The following RASGEF1C variants were observed in gnomAD, a reference collection of about 807,000 sequenced individuals.
RASGEF1C encodes RasGEF domain family member 1C, also known as ras-GEF domain-containing family member 1C.
Under a neutral mutation model 58.1 loss-of-function variants are expected in RASGEF1C, and 27 were observed. The ratio of observed to expected loss-of-function variants is 0.46; its 90% CI spans 0.34 to 0.64. RASGEF1C has a LOEUF of 0.64. Ranked by LOEUF, RASGEF1C falls within the 30% of genes least tolerant of loss-of-function variation. The probability of loss-of-function intolerance (pLI) is 0.01; values close to 1 mark genes in which losing one functional copy is unlikely to be tolerated. For missense variants in RASGEF1C, 502 were observed against 605.1 expected (o/e 0.83, Z 1.79); for synonymous variants, 243 against 246.3 (o/e 0.99, Z 0.13).
chr5:180,102,472 A>G (rs540508103), intron 12 of RASGEF1C, among the ~76,000 whole-genome samples: 75 of 152,294 alleles, frequency 4.9e-4, no homozygotes, highest in African/African-American at 1.6e-3. Flanking sequence ...ATCTAGCCCT[A>G]TATTCTGAGG....
At chr5:180,128,361 G>T in intron 5 of RASGEF1C, 49 bp downstream of exon 5, 2 of 1,519,652 alleles carry the variant, frequency 1.3e-6, no homozygotes, top group Non-Finnish European at 1.8e-6. Flanking sequence ...GTGTATCTGT[G>T]TGTGTCCTGC....
chr5:180,129,460 A>C (rs1766324671), intron 4 of RASGEF1C, among the ~76,000 whole-genome samples: 1 of 152,118 alleles, frequency 6.6e-6, no homozygotes, highest in South Asian at 2.1e-4. Context: ...ACCAGAGCAC[A>C]GGGCTCCAGC....
rs1385414361 is a variant in RASGEF1C, at chr5:180,158,100, G to A, written c.-6-20042C>T. Among the ~76,000 whole-genome samples, 1 of 152,176 alleles carries A rather than the reference G, an allele frequency of 6.6e-6. No homozygotes were observed. The highest frequency in any genetic ancestry group is 6.5e-5 in the Admixed American group (1 of 15,274). ...TCTCTACTTTCTGCTCAGTTTCGCTGCGAACCTAAAACTGCTCTAAAAAAT... is the reference window on the plus strand; with the variant it reads ...TCTCTACTTTCTGCTCAGTTTCGCTACGAACCTAAAACTGCTCTAAAAAAT... On this transcript the variant is annotated intron_variant, in intron 1 of 13. Transcript: ENST00000361132. This position sits in a 1 kb window ranked among gnomAD's most constrained non-coding sequence, Gnocchi z 4.0.
At chr5:180,107,522 T>C (rs560692587) in intron 12 of RASGEF1C, among the ~76,000 whole-genome samples, 5 of 152,216 alleles carry the variant, frequency 3.3e-5, no homozygotes, top group African/African-American at 9.6e-5. Flanking sequence ...GATGAGAAAT[T>C]TGACATGATT....
At chr5:180,103,182 A>G (rs1765820641) in intron 12 of RASGEF1C, among the ~76,000 whole-genome samples, 1 of 152,112 alleles carries the variant, frequency 6.6e-6, no homozygotes, top group Non-Finnish European at 1.5e-5. Context: ...GGTTCACACC[A>G]TTCTCCTGCC....
intron 11 of RASGEF1C, among the ~76,000 whole-genome samples, chr5:180,113,135 GAGGATGGATGGA>G (rs1765991991): frequency 4.0e-5 from 5 of 124,184 alleles, no homozygotes; most frequent in Admixed American, 1.6e-4. Context: ...CGGAGGGATC[GAGGATGGATGGA>G]GGGATCTGGG....
rs1766501284 is a variant in RASGEF1C at position 180,137,441 on chromosome 5, C to T, written c.300+149G>A. On this transcript the variant is annotated intron_variant, in intron 3 of 13. Transcript: ENST00000361132. This position sits in a 1 kb window ranked among gnomAD's most constrained non-coding sequence, Gnocchi z 4.1. The stretch of plus-strand genomic sequence containing the variant: ...AGGTCCTGTTCTGCTCCTTCTGGCT[C>T]TGGGCCTCAGACAAGGTGGAAACAC... 9.2e-7 allele frequency: 1 copy of T among 1,084,590 alleles called. No individual in the cohort carries two copies. Among genetic ancestry groups the T allele is most frequent in the East Asian group, 2.6e-5 (1 of 38,714 alleles). The allele number at this position is 1,084,590 out of a possible 1,614,324, so 67.2% of individuals were successfully genotyped here.
chr5:180,183,792 A>T (rs1288265277), intron 1 of RASGEF1C, among the ~76,000 whole-genome samples: 1 of 152,130 alleles, frequency 6.6e-6, no homozygotes, highest in East Asian at 1.9e-4. Flanking sequence ...ACTGCACTCC[A>T]GCCTGGGAAA....
intron 11 of RASGEF1C, among the ~76,000 whole-genome samples, chr5:180,113,780 TTGGGGATGGATGGAGGGAC>T (rs1766015539): frequency 7.6e-6 from 1 of 131,552 alleles, no homozygotes; most frequent in Non-Finnish European, 1.7e-5. Flanking sequence ...GACGGAGGGA[TTGGGGATGGATGGAGGGAC>T]CGAGGATGGA....
In RASGEF1C at chr5:180,143,116, G is replaced by T. The variant is rs1385762226; in HGVS notation, c.-6-5058C>A. On this transcript the variant is annotated intron_variant, in intron 1 of 13. Transcript: ENST00000361132. This position sits in a 1 kb window ranked among gnomAD's most constrained non-coding sequence, Gnocchi z 4.3. ...GGCTCCTGCAGCAGTTCAAGAGACA[G>T]CAGGCGAGGATTGTGTGGGGTCAGG... 6.6e-6 allele frequency among the ~76,000 whole-genome samples: 1 copy of T among 152,162 alleles called. No homozygotes were observed. Among genetic ancestry groups the T allele is most frequent in the African/African-American group, 2.4e-5 (1 of 41,446 alleles).
chr5:180,193,983 A>T (rs559465467), intron 1 of RASGEF1C, among the ~76,000 whole-genome samples: 2 of 134,154 alleles, frequency 1.5e-5, no homozygotes, highest in Non-Finnish European at 3.2e-5. Context: ...GGTGATTCAC[A>T]CTCTTCCTAT....
intron 11 of RASGEF1C, among the ~76,000 whole-genome samples, chr5:180,112,002 AC>A (rs1472239973): frequency 2.6e-5 from 4 of 152,058 alleles, no homozygotes; most frequent in Admixed American, 1.3e-4. Context: ...AATGGCAGGG[AC>A]CCCCGCTCCA....
chr5:180,159,435 C>T lies in RASGEF1C; in HGVS notation c.-6-21377G>A, dbSNP rs73336755. On this transcript the variant is annotated intron_variant, in intron 1 of 13. Transcript: ENST00000361132. The stretch of plus-strand genomic sequence containing the variant: ...GATTACAGGCATGAGCCACCGTGCC[C>T]GGCCTTAACAAGTTTTATTTAAAGT... 7.3e-3 allele frequency among the ~76,000 whole-genome samples: 1,107 copies of T among 152,276 alleles called. 14 individuals carry two copies. Among genetic ancestry groups the T allele is most frequent in the African/African-American group, 0.026 (1,074 of 41,548 alleles).
chr5:180,153,787 A>G (rs993138591), intron 1 of RASGEF1C, among the ~76,000 whole-genome samples: 2 of 148,574 alleles, frequency 1.3e-5, no homozygotes, highest in Non-Finnish European at 3.0e-5. Context: ...GTCATAATGC[A>G]TTGGACAGAA....
chr5:180,139,194 C>A (rs1449657570), intron 1 of RASGEF1C, among the ~76,000 whole-genome samples: 3 of 152,168 alleles, frequency 2.0e-5, no homozygotes, highest in African/African-American at 7.2e-5. Flanking sequence ...TTCCACTTAC[C>A]CCTCTAGGCC....
intron 1 of RASGEF1C, among the ~76,000 whole-genome samples, chr5:180,182,449 C>T (rs999261620): frequency 3.9e-5 from 6 of 152,154 alleles, no homozygotes; most frequent in African/African-American, 1.2e-4. Context: ...GCTTCCACAG[C>T]TGGAAGAGAA....
chr5:180,129,327 A>C (rs893391579), intron 4 of RASGEF1C, among the ~76,000 whole-genome samples: 1 of 152,140 alleles, frequency 6.6e-6, no homozygotes, highest in African/African-American at 2.4e-5. Flanking sequence ...CGCCTTCTGC[A>C]CCTGGCCCGT....
chr5:180,103,685 C>T (rs182891669), intron 12 of RASGEF1C, among the ~76,000 whole-genome samples: 12 of 152,252 alleles, frequency 7.9e-5, no homozygotes, highest in East Asian at 1.9e-4. Flanking sequence ...CTTGCCTTAT[C>T]GCACTAACTA....
intron 1 of RASGEF1C, among the ~76,000 whole-genome samples, chr5:180,182,283 T>C (rs1389728508): frequency 1.4e-5 from 2 of 143,194 alleles, no homozygotes; most frequent in East Asian, 4.2e-4. Flanking sequence ...TTAAAGGTGG[T>C]GTGTCTGGAG....
Sources: allele counts gnomAD v4.1 joint callset (sites outside exome capture counted in the v4.1 genomes callset), GRCh38; gene constraint gnomAD v4.1.1; non-coding constraint Gnocchi (gnomAD v3.1); transcripts MANE v1.5; gene names NCBI Gene and HGNC (gene_info 2026-07-23, HGNC 2026-07-21).